Variants in PIK3C2B observed in about 807,000 individuals in gnomAD.
PIK3C2B encodes phosphatidylinositol-4-phosphate 3-kinase catalytic subunit type 2 beta.
PIK3C2B carries 83 observed loss-of-function variants against 184.3 expected under a neutral mutation model. The observed-to-expected ratio is 0.45, with a 90% CI of 0.38 to 0.54. The LOEUF (loss-of-function observed/expected upper bound fraction) is 0.54, where lower values mean the gene tolerates loss of function less well. Among genes scored for constraint, PIK3C2B ranks in the 20% least tolerant of loss-of-function variants. The pLI is 0.00. For synonymous variants in PIK3C2B, 779 were observed against 837.6 expected, an observed-to-expected ratio of 0.93 and a Z score of 1.21; for missense variants, 1,736 against 2,113.5, an observed-to-expected ratio of 0.82 and a Z score of 3.50.
chr1:204,458,494 ATTT>A (rs1158541930), intron 8 of PIK3C2B, among the ~76,000 whole-genome samples: 15 of 142,108 alleles, frequency 1.1e-4, no homozygotes, highest in African/African-American at 2.8e-4. Flanking sequence ...GGCTATGACA[ATTT>A]TTTTTTTTTT....
chr1:204,453,674 G>A (rs758070766), intron 12 of PIK3C2B, among the ~76,000 whole-genome samples: 2 of 152,190 alleles, frequency 1.3e-5, no homozygotes, highest in Admixed American at 6.5e-5. Context: ...TACAGGAACT[G>A]AGGGAAGAAG....
chr1:204,424,686 ATG>A lies in PIK3C2B; in HGVS notation c.*164_*165del. On this transcript the variant is annotated 3_prime_UTR_variant, in exon 33 of 33. Transcript: ENST00000684373. Reference sequence around the variant, plus strand: ...TCTCCAGAGGAAGAGACAGCAGAGCATGTCTTACTCTCCCTGCCTCCTACCAC... The same window carrying A: ...TCTCCAGAGGAAGAGACAGCAGAGCATCTTACTCTCCCTGCCTCCTACCAC... 1.3e-6 allele frequency: 1 copy of A among 777,770 alleles called. No homozygotes were observed. The highest frequency in any genetic ancestry group is 2.3e-6 in the Non-Finnish European group (1 of 430,608). 48.2% of individuals were successfully genotyped at this position (777,770 alleles called of 1,614,324 possible).
intron 11 of PIK3C2B, 147 bp from the exon 12 acceptor site, chr1:204,454,938 C>A (rs958404768): frequency 7.3e-6 from 6 of 826,696 alleles, no homozygotes; most frequent in Middle Eastern, 2.3e-4. Context: ...GATAGGACAG[C>A]CAAACTGGAT....
rs1396830345 is a variant in PIK3C2B, at chr1:204,447,921, G to T, written c.2347-343C>A. 6.6e-6 allele frequency among the ~76,000 whole-genome samples: 1 copy of T among 152,088 alleles called. No individual in the cohort carries two copies. Among genetic ancestry groups the T allele is most frequent in the African/African-American group, 2.4e-5 (1 of 41,410 alleles). The stretch of plus-strand genomic sequence containing the variant: ...GGGGTGCATCCAGGCTGAGTCCGGG[G>T]TGACTTCCATGGGGTGCCAGAGGAC... On this transcript the variant is annotated intron_variant, in intron 14 of 32. Transcript: ENST00000684373. This position sits in a 1 kb window ranked among gnomAD's most constrained non-coding sequence, Gnocchi z 4.1.
chr1:204,473,989 C>CTTTTTTT (rs71145092), intron 1 of PIK3C2B, among the ~76,000 whole-genome samples: 2 of 115,126 alleles, frequency 1.7e-5, no homozygotes, highest in Non-Finnish European at 3.3e-5. Flanking sequence ...CTCCCCTTGA[C>CTTTTTTT]TTTTTTTTTT....
intron 11 of PIK3C2B, among the ~76,000 whole-genome samples, chr1:204,455,188 C>CG (rs1157369824): frequency 6.6e-6 from 1 of 152,224 alleles, no homozygotes; most frequent in Non-Finnish European, 1.5e-5. Context: ...TGCCAACACA[C>CG]GGGGGTCCCT....
At chr1:204,482,447 C>T (rs1181978925) in intron 1 of PIK3C2B, among the ~76,000 whole-genome samples, 1 of 152,212 alleles carries the variant, frequency 6.6e-6, no homozygotes, top group East Asian at 1.9e-4. Flanking sequence ...AAGGATTCTA[C>T]TTTAGCCAGG....
chr1:204,441,308 A>G (rs770742149), intron 21 of PIK3C2B, among the ~76,000 whole-genome samples, 163 bp downstream of exon 21: 4 of 152,220 alleles, frequency 2.6e-5, no homozygotes, highest in African/African-American at 9.6e-5. Flanking sequence ...CTCTGGGGCC[A>G]TGCAGAATTC....
chr1:204,475,323 G>C (rs921978368), intron 1 of PIK3C2B, among the ~76,000 whole-genome samples: 3 of 152,018 alleles, frequency 2.0e-5, no homozygotes, highest in African/African-American at 4.8e-5. Flanking sequence ...TTTGCTATTG[G>C]CTCCCAATAG....
intron 28 of PIK3C2B, chr1:204,431,308 G>T: frequency 3.7e-6 from 1 of 268,748 alleles, no homozygotes; most frequent in Non-Finnish European, 7.4e-6. Flanking sequence ...GTTGTTACCC[G>T]TGTCGAAATC....
intron 23 of PIK3C2B, among the ~76,000 whole-genome samples, chr1:204,435,113 T>C (rs1675271679): frequency 1.3e-5 from 2 of 152,218 alleles, no homozygotes; most frequent in Admixed American, 6.5e-5. Context: ...TCCAGAGTTC[T>C]TGGTAACAGC....
chr1:204,475,721 A>G (rs1018431783), intron 1 of PIK3C2B, among the ~76,000 whole-genome samples: 11 of 152,180 alleles, frequency 7.2e-5, no homozygotes, highest in Non-Finnish European at 1.6e-4. Context: ...GTCACAGGAA[A>G]GAGAAGGAAA....
intron 5 of PIK3C2B, among the ~76,000 whole-genome samples, chr1:204,462,387 C>T (rs1655406359): frequency 1.3e-5 from 2 of 152,226 alleles, no homozygotes; most frequent in Admixed American, 6.5e-5. Flanking sequence ...ACAGGTCATT[C>T]TCACATTTCA....
intron 13 of PIK3C2B, 89 bp downstream of exon 13, chr1:204,449,761 C>T (rs2999492): frequency 0.77 from 943,280 of 1,220,816 alleles, 369,690 homozygotes; most frequent in Non-Finnish European, 0.81. Flanking sequence ...TCTCCCAAGG[C>T]GCACTGGCCA....
In PIK3C2B at chr1:204,440,597, C is replaced by CTTT. The variant is rs34256181; in HGVS notation, c.3250-279_3250-277dup. Among the ~76,000 whole-genome samples, 109 of 123,530 alleles carry CTTT rather than the reference C, an allele frequency of 8.8e-4. 1 individual carries two copies. The highest frequency in any genetic ancestry group is 2.5e-3 in the African/African-American group (80 of 32,018). 81.0% of individuals were successfully genotyped at this position (123,530 alleles called of 152,430 possible). A position where few individuals can be genotyped will look rare whatever the true frequency, so the allele number is the denominator to read the frequency against. ...CATGCAGCCCCTCTGACCATCAGGC[C>CTTT]TTTTTTTTTTTTTTTTTGAGACAGT... On this transcript the variant is annotated intron_variant, in intron 21 of 32. Coordinates refer to ENST00000684373, the MANE Select transcript of PIK3C2B (RefSeq NM_001377334.1).
chr1:204,445,906 C>T (rs762188275), intron 16 of PIK3C2B, 50 bp downstream of exon 16: 2 of 1,335,418 alleles, frequency 1.5e-6, no homozygotes, highest in Non-Finnish European at 2.0e-6. Flanking sequence ...GTGTCGTGCC[C>T]TGGCTTCTAC....
chr1:204,450,208 T>C (rs1654233146), intron 12 of PIK3C2B, 191 bp from the exon 13 acceptor site: 2 of 553,102 alleles, frequency 3.6e-6, no homozygotes, highest in Admixed American at 3.4e-5. Flanking sequence ...CCCCACTGGA[T>C]GTTCCCAGAA....
chr1:204,441,329 T>C, intron 21 of PIK3C2B, 142 bp downstream of exon 21: 7 of 563,420 alleles, frequency 1.2e-5, no homozygotes, highest in South Asian at 2.3e-5. Context: ...ATCTAAATCC[T>C]TTTTCACCTG....
chr1:204,449,313 G>T lies in PIK3C2B; in HGVS notation c.2235-17C>A. On this transcript the variant is annotated splice_polypyrimidine_tract_variant and intron_variant, in intron 13 of 32. Transcript: ENST00000684373. Reference sequence around the variant, plus strand: ...GTCAGGACCCTAAGAAGGAGGGAGAGTGGGAAGAGCTGCTAAAGTGGCTAA... The same window carrying T: ...GTCAGGACCCTAAGAAGGAGGGAGATTGGGAAGAGCTGCTAAAGTGGCTAA... 1 of 1,580,168 alleles carries T rather than the reference G, an allele frequency of 6.3e-7. No individual in the cohort carries two copies. The highest frequency in any genetic ancestry group is 8.7e-7 in the Non-Finnish European group (1 of 1,155,102).
Sources: allele counts gnomAD v4.1 joint callset (sites outside exome capture counted in the v4.1 genomes callset), GRCh38; gene constraint gnomAD v4.1.1; non-coding constraint Gnocchi (gnomAD v3.1); transcripts MANE v1.5; gene names NCBI Gene and HGNC (gene_info 2026-07-23, HGNC 2026-07-21).